Variants in LRRC34 observed in about 807,000 individuals in gnomAD.
The protein encoded by LRRC34 is leucine rich repeat containing 34, also known as leucine-rich repeat-containing protein 34.
In LRRC34, 44 loss-of-function variants were observed where a neutral mutation model predicts 48.5. That is an observed-to-expected ratio of 0.91 (90% CI 0.71 to 1.17). LRRC34 has a LOEUF of 1.17. LRRC34 is among the 50% of genes most tolerant of loss of function. The pLI is 0.00. For synonymous variants in LRRC34, 192 were observed against 197.6 expected (o/e 0.97, Z 0.24); for missense variants, 502 against 563.0 (o/e 0.89, Z 1.10).
chr3:169,809,403 G>A (rs890156120), intron 1 of LRRC34, among the ~76,000 whole-genome samples: 2 of 151,950 alleles, frequency 1.3e-5, no homozygotes, highest in Non-Finnish European at 2.9e-5. Flanking sequence ...ATACCAAATC[G>A]AGGCCTGGCT....
chr3:169,795,638 G>T lies in LRRC34; in HGVS notation c.1065-27C>A, dbSNP rs1016071146. ...TGAAACCAATAATTCCACAAGGAAA[G>T]AATACAAAAATTAGCAACATTTATT... On this transcript the variant is annotated intron_variant, in intron 9 of 10. Coordinates refer to ENST00000446859, the MANE Select transcript of LRRC34 (RefSeq NM_001172779.2). The T allele has an allele frequency of 4.4e-6, 7 of 1,595,508 alleles. No individual in the cohort carries two copies. The African/African-American group carries it at 8.1e-5, about 18-fold the overall frequency.
In LRRC34 at chr3:169,793,478, C is replaced by T. The variant is rs2108217406; in HGVS notation, c.*157G>A. On this transcript the variant is annotated 3_prime_UTR_variant, in exon 11 of 11. Coordinates refer to ENST00000446859, the MANE Select transcript of LRRC34 (RefSeq NM_001172779.2). ...TAAAAAATTACCCTACTCAGTTTTT[C>T]ACAATAGACAGTTATACAAAGTTTA... is the stretch of plus-strand genomic sequence containing the variant. 1 of 527,930 alleles carries T rather than the reference C, an allele frequency of 1.9e-6. No individual in the cohort carries two copies. The highest frequency in any genetic ancestry group is 4.1e-5 in the South Asian group (1 of 24,478). 32.7% of individuals were successfully genotyped at this position (527,930 alleles called of 1,614,324 possible). A position where few individuals can be genotyped will look rare whatever the true frequency, so the allele number is the denominator to read the frequency against.
chr3:169,793,107 C>A lies in LRRC34; in HGVS notation c.*528G>T, dbSNP rs552564711. On this transcript the variant is annotated 3_prime_UTR_variant, in exon 11 of 11. Coordinates refer to ENST00000446859, the MANE Select transcript of LRRC34 (RefSeq NM_001172779.2). ...TGGTTATGAGAGGAGAGTGGGAGAG[C>A]TGGCAGCACTGGCTTGTTGGGAAAG... 8.7e-4 allele frequency among the ~76,000 whole-genome samples: 132 copies of A among 152,244 alleles called. 2 individuals are homozygous for A. In the South Asian group the frequency reaches 0.027, roughly 31 times the overall value.
chr3:169,803,500 C>T (rs573561108), intron 6 of LRRC34, among the ~76,000 whole-genome samples: 1 of 152,312 alleles, frequency 6.6e-6, no homozygotes, highest in South Asian at 2.1e-4. Flanking sequence ...GGCTGGAGTG[C>T]AACTCACTGC....
In LRRC34 at chr3:169,812,113, G is replaced by A. The variant is rs1448206215; in HGVS notation, c.139+297C>T. Among the ~76,000 whole-genome samples the A allele has an allele frequency of 6.6e-6, 1 of 150,850 alleles. No individual in the cohort carries two copies. The highest frequency in any genetic ancestry group is 1.5e-5 in the Non-Finnish European group (1 of 67,672). On this transcript the variant is annotated intron_variant, in intron 1 of 10. Transcript: ENST00000446859. This position sits in a 1 kb window ranked among gnomAD's most constrained non-coding sequence, Gnocchi z 4.3. ...CGCCACCCCCTCCCGGAGACCCTGA[G>A]AGCACGGCGACAGACACCATCTGCA...
intron 6 of LRRC34, among the ~76,000 whole-genome samples, chr3:169,802,970 T>C (rs1161700243): frequency 6.6e-6 from 1 of 151,260 alleles, no homozygotes; most frequent in African/African-American, 2.4e-5. Flanking sequence ...AGAGTGAGAC[T>C]CTGTCTCCAA....
intron 7 of LRRC34, among the ~76,000 whole-genome samples, 182 bp downstream of exon 7, chr3:169,800,477 T>C (rs1336239154): frequency 1.3e-5 from 2 of 152,260 alleles, no homozygotes; most frequent in African/African-American, 2.4e-5. Flanking sequence ...TATTTAGTTA[T>C]AAACGTCTTA....
intron 5 of LRRC34, among the ~76,000 whole-genome samples, chr3:169,805,701 G>A (rs1328528592): frequency 6.6e-6 from 1 of 151,934 alleles, no homozygotes; most frequent in Non-Finnish European, 1.5e-5. Context: ...CCTGACCAGC[G>A]TGGAGAAACC....
Position 169,793,594 on chromosome 3 carries a change from CAAT to C in LRRC34, c.*38_*40del, listed in dbSNP as rs760034484. 11 of 1,402,044 alleles carry C rather than the reference CAAT, an allele frequency of 7.8e-6. No homozygotes were observed. The highest frequency in any genetic ancestry group is 9.0e-6 in the Non-Finnish European group (9 of 1,000,148). The allele number at this position is 1,402,044 out of a possible 1,614,324, so 86.9% of individuals were successfully genotyped here. A position where few individuals can be genotyped will look rare whatever the true frequency, so the allele number is the denominator to read the frequency against. On this transcript the variant is annotated 3_prime_UTR_variant, in exon 11 of 11. Transcript: ENST00000446859. ...CTATAGAATATTAATCTCTGTGAAA[CAAT>C]AAGACAAGTGTATGAAAATTATTTT...
At chr3:169,799,691 G>A (rs527675135) in intron 7 of LRRC34, among the ~76,000 whole-genome samples, 1 of 149,682 alleles carries the variant, frequency 6.7e-6, no homozygotes, top group South Asian at 2.1e-4. Flanking sequence ...TTCAAACACT[G>A]ACATTGATTG....
At chr3:169,795,363 T>G in intron 10 of LRRC34, 122 bp downstream of exon 10, 1 of 1,004,848 alleles carries the variant, frequency 1.0e-6, no homozygotes, top group South Asian at 2.2e-5. Flanking sequence ...AGACTTATGT[T>G]AATTATCAAA....
intron 7 of LRRC34, 64 bp from the exon 8 acceptor site, chr3:169,796,963 CAT>C (rs1251966986): frequency 6.5e-6 from 8 of 1,230,278 alleles, no homozygotes; most frequent in Non-Finnish European, 7.6e-6. Flanking sequence ...TTATTTCAGA[CAT>C]ATGCTGTTAT....
intron 1 of LRRC34, among the ~76,000 whole-genome samples, chr3:169,810,888 A>T (rs1779539367): frequency 6.6e-6 from 1 of 152,224 alleles, no homozygotes. Context: ...AATATGGTGA[A>T]ACCCTATCTC....
intron 6 of LRRC34, among the ~76,000 whole-genome samples, chr3:169,801,129 A>C (rs1037038044): frequency 6.6e-6 from 1 of 152,068 alleles, no homozygotes; most frequent in Non-Finnish European, 1.5e-5. Context: ...AGTACTTTTA[A>C]GTGTGTGTGC....
chr3:169,804,056 A>G lies in LRRC34; in HGVS notation c.654T>C (p.Asp218=). 1 of 1,583,110 alleles carries G rather than the reference A, an allele frequency of 6.3e-7. No individual in the cohort carries two copies. ...TTCTCATAACCAGTTTACTCACCAGATCACAGTCACCCAGATCTAATTTCT... is the reference window on the plus strand; with the variant it reads ...TTCTCATAACCAGTTTACTCACCAGGTCACAGTCACCCAGATCTAATTTCT... ...SLEKLDLGDC[D]LGMQSVIAFA... is the part of the protein sequence containing the mutation. The change falls in exon 6 of 11, where the codon GAT becomes GAC. Residue 218 remains aspartate, a synonymous_variant. Transcript: ENST00000446859.
At chr3:169,805,666 T>A (rs1779343941) in intron 5 of LRRC34, among the ~76,000 whole-genome samples, 1 of 151,896 alleles carries the variant, frequency 6.6e-6, no homozygotes, top group African/African-American at 2.4e-5. Flanking sequence ...GGGCAGATAA[T>A]CTGAGGTCGG....
In LRRC34 at chr3:169,793,447, T is replaced by G. The variant is rs1029716526; in HGVS notation, c.*188A>C. 2 of 479,028 alleles carry G rather than the reference T, an allele frequency of 4.2e-6. No homozygotes were observed. Among genetic ancestry groups the G allele is most frequent in the Admixed American group, 3.8e-5 (1 of 26,358 alleles). The allele number at this position is 479,028 out of a possible 1,614,324, so 29.7% of individuals were successfully genotyped here. A position where few individuals can be genotyped will look rare whatever the true frequency, so the allele number is the denominator to read the frequency against. On this transcript the variant is annotated 3_prime_UTR_variant, in exon 11 of 11. Transcript: ENST00000446859. ...AATTTTAGTCTCTATATTGTAAAAT[T>G]TCTTTTAAAAAATTACCCTACTCAG...
At chr3:169,806,148 T>C (rs75605245) in intron 5 of LRRC34, among the ~76,000 whole-genome samples, 2,919 of 152,228 alleles carry the variant, frequency 0.019, 84 homozygotes, top group African/African-American at 0.067. Flanking sequence ...TTAGCTGATT[T>C]TTGGACAAAA....
chr3:169,800,596 T>G, intron 7 of LRRC34, 63 bp downstream of exon 7: 1 of 988,534 alleles, frequency 1.0e-6, no homozygotes, highest in Non-Finnish European at 1.5e-6. Context: ...TGACATAAAC[T>G]TGTAGTAGTA....
Sources: allele counts gnomAD v4.1 joint callset (sites outside exome capture counted in the v4.1 genomes callset), GRCh38; gene constraint gnomAD v4.1.1; non-coding constraint Gnocchi (gnomAD v3.1); transcripts MANE v1.5; gene names NCBI Gene and HGNC (gene_info 2026-07-23, HGNC 2026-07-21).